The following FAXC variants were observed in gnomAD, a reference collection of about 807,000 sequenced individuals.
FAXC encodes the protein failed axon connections homolog.
Under a neutral mutation model 41.9 loss-of-function variants are expected in FAXC, and 10 were observed. The ratio of observed to expected loss-of-function variants is 0.24; its 90% CI spans 0.15 to 0.41. The LOEUF (loss-of-function observed/expected upper bound fraction) is 0.41. Ranked by LOEUF, FAXC falls within the 10% of genes least tolerant of loss-of-function variation. The pLI is 1.00. For missense variants in FAXC, 399 were observed against 510.9 expected (o/e 0.78, Z 2.11); for synonymous variants, 183 against 183.8 (o/e 1.00, Z 0.03).
intron 4 of FAXC, among the ~76,000 whole-genome samples, chr6:99,303,885 A>G (rs1771812190): frequency 6.6e-6 from 1 of 152,250 alleles, no homozygotes; most frequent in Non-Finnish European, 1.5e-5. Context: ...AAAAAAATAT[A>G]TAGGAGATAT....
At chr6:99,333,802 A>G (rs552531696) in intron 2 of FAXC, among the ~76,000 whole-genome samples, 75 of 152,262 alleles carry the variant, frequency 4.9e-4, no homozygotes, top group Middle Eastern at 6.8e-3. Flanking sequence ...GAAAAGGAAA[A>G]AAAAGACCCC....
intron 4 of FAXC, among the ~76,000 whole-genome samples, chr6:99,312,370 C>T (rs975645249): frequency 2.0e-5 from 3 of 152,236 alleles, no homozygotes; most frequent in African/African-American, 7.2e-5. Context: ...CACTGTTCAG[C>T]TCTTCAGAGC....
At chr6:99,334,572 T>TTGTAGAA (rs765747067) in intron 2 of FAXC, 3 of 958,230 alleles carry the variant, frequency 3.1e-6, no homozygotes, top group Non-Finnish European at 3.7e-6. Context: ...TCTAACATTC[T>TTGTAGAA]TGTAATCTGT....
chr6:99,316,867 C>G (rs13209531), intron 4 of FAXC, among the ~76,000 whole-genome samples: 53,448 of 152,132 alleles, frequency 0.35, 10,329 homozygotes, highest in Middle Eastern at 0.46. Flanking sequence ...TTCTGAAAAG[C>G]AAAACCACAC....
chr6:99,273,787 G>C lies in FAXC; in HGVS notation c.*7377C>G, dbSNP rs539663216. ...CTTGTCCCATTCTCTAAACTCCATTGAGGACCAGAAAATATACTTTTAAAA... is the reference window on the plus strand; with the variant it reads ...CTTGTCCCATTCTCTAAACTCCATTCAGGACCAGAAAATATACTTTTAAAA... On this transcript the variant is annotated 3_prime_UTR_variant, in exon 6 of 6. Coordinates refer to ENST00000389677, the MANE Select transcript of FAXC (RefSeq NM_032511.4). 6.6e-6 allele frequency: 1 copy of C among 151,916 alleles called. No individual in the cohort carries two copies. The highest frequency in any genetic ancestry group is 2.4e-5 in the African/African-American group (1 of 41,342). 9.4% of individuals were successfully genotyped at this position (151,916 alleles called of 1,614,324 possible). A position where few individuals can be genotyped will look rare whatever the true frequency, so the allele number is the denominator to read the frequency against.
chr6:99,348,908 C>G (rs1398622193), intron 1 of FAXC, among the ~76,000 whole-genome samples, 199 bp downstream of exon 1: 1 of 152,192 alleles, frequency 6.6e-6, no homozygotes, highest in Non-Finnish European at 1.5e-5. Context: ...CTCCCAGCAC[C>G]GGTTTAATTC....
intron 4 of FAXC, among the ~76,000 whole-genome samples, chr6:99,310,969 T>G (rs1333089128): frequency 6.6e-6 from 1 of 152,192 alleles, no homozygotes; most frequent in African/African-American, 2.4e-5. Context: ...GAGCAGGTAT[T>G]AAAACAGCCT....
intron 2 of FAXC, among the ~76,000 whole-genome samples, chr6:99,337,092 G>A (rs970240444): frequency 1.3e-5 from 2 of 152,160 alleles, no homozygotes; most frequent in African/African-American, 2.4e-5. Context: ...GCAGGATGAT[G>A]TGTCAGGATT....
At chr6:99,302,846 C>T (rs889604919) in intron 4 of FAXC, among the ~76,000 whole-genome samples, 10 of 150,236 alleles carry the variant, frequency 6.7e-5, no homozygotes, top group African/African-American at 2.2e-4. Context: ...AGTTAAATGT[C>T]ATGATATCTG....
At chr6:99,285,225 G>A (rs1362949761) in intron 5 of FAXC, among the ~76,000 whole-genome samples, 1 of 152,108 alleles carries the variant, frequency 6.6e-6, no homozygotes, top group African/African-American at 2.4e-5. Flanking sequence ...AATAAAAGCA[G>A]TGGTATGTAA....
rs759797290 is a variant in FAXC, at chr6:99,349,328, C to T, written c.45G>A (p.Val15=). ...VGFASSRPCV[V]DLSWNQSISF... The stretch of plus-strand genomic sequence containing the variant: ...AGATGCTCTGGTTCCAGCTCAGATC[C>T]ACCACGCACGGCCTGGACGAAGCAA... The change falls in exon 1 of 6, where the codon GTG becomes GTA. Residue 15 remains valine, a synonymous_variant. Transcript: ENST00000389677. 131 of 1,612,838 alleles carry T rather than the reference C, an allele frequency of 8.1e-5. No homozygotes were observed. The highest frequency in any genetic ancestry group is 1.1e-4 in the Non-Finnish European group (126 of 1,179,952).
intron 1 of FAXC, among the ~76,000 whole-genome samples, chr6:99,348,509 C>T (rs1167223955): frequency 1.3e-5 from 2 of 152,308 alleles, no homozygotes; most frequent in Middle Eastern, 3.4e-3. Flanking sequence ...CTACTGCTCA[C>T]ACAACAATGA....
intron 2 of FAXC, among the ~76,000 whole-genome samples, chr6:99,336,848 C>T (rs546576801): frequency 6.6e-6 from 1 of 152,254 alleles, no homozygotes; most frequent in Non-Finnish European, 1.5e-5. Context: ...ATACCAGAGT[C>T]TTGGGACTCT....
chr6:99,308,841 G>A (rs1772040419), intron 4 of FAXC, among the ~76,000 whole-genome samples: 2 of 152,182 alleles, frequency 1.3e-5, no homozygotes, highest in African/African-American at 2.4e-5. Context: ...TGAGTTAGGT[G>A]ACAGAATAAT....
intron 4 of FAXC, among the ~76,000 whole-genome samples, chr6:99,302,058 A>G (rs1303219703): frequency 6.6e-6 from 1 of 152,264 alleles, no homozygotes; most frequent in African/African-American, 2.4e-5. Context: ...GGTGTCTCAC[A>G]GGCTGCAATG....
intron 5 of FAXC, among the ~76,000 whole-genome samples, chr6:99,290,003 C>T (rs929127785): frequency 2.6e-5 from 4 of 151,822 alleles, no homozygotes; most frequent in African/African-American, 9.7e-5. Flanking sequence ...ATAGTTTCTA[C>T]TGAACAAGTA....
intron 4 of FAXC, among the ~76,000 whole-genome samples, chr6:99,312,369 G>T (rs965457128): frequency 6.6e-6 from 1 of 152,236 alleles, no homozygotes; most frequent in Non-Finnish European, 1.5e-5. Context: ...ACACTGTTCA[G>T]CTCTTCAGAG....
intron 4 of FAXC, among the ~76,000 whole-genome samples, chr6:99,306,804 C>T (rs547246932): frequency 1.3e-5 from 2 of 152,266 alleles, no homozygotes; most frequent in Non-Finnish European, 2.9e-5. Flanking sequence ...TGGATAGGAT[C>T]GTTGTGAGCA....
intron 4 of FAXC, among the ~76,000 whole-genome samples, chr6:99,320,540 C>A (rs913773425): frequency 1.3e-5 from 2 of 152,198 alleles, no homozygotes; most frequent in African/African-American, 4.8e-5. Flanking sequence ...ATTCATCCCC[C>A]ACAACATCAA....
Sources: gnomAD v4.1 joint callset for allele counts (sites outside exome capture counted in the v4.1 genomes callset) on GRCh38, gnomAD v4.1.1 for gene constraint, MANE v1.5 for transcripts, NCBI Gene and HGNC (gene_info 2026-07-23, HGNC 2026-07-21) for gene names.